VPS72: variants seen among roughly 807,000 people sequenced by gnomAD.
The protein encoded by VPS72 is vacuolar protein sorting-associated protein 72 homolog.
A neutral mutation model predicts 38.9 loss-of-function variants in VPS72; 27 were observed. The observed-to-expected ratio is 0.69, with a 90% CI of 0.51 to 0.96. The LOEUF is 0.96. VPS72 is among the 40% of genes least tolerant of loss of function. The pLI, the probability that VPS72 is intolerant of heterozygous loss-of-function variation, is 0.00. For synonymous variants in VPS72, 173 were observed against 186.3 expected (o/e 0.93, Z 0.58); for missense variants, 360 against 479.5 (o/e 0.75, Z 2.33).
chr1:151,184,249 C>G, intron 4 of VPS72, 68 bp downstream of exon 4: 2 of 1,568,200 alleles, frequency 1.3e-6, no homozygotes, highest in South Asian at 1.2e-5. Flanking sequence ...CTTTGGTCCT[C>G]CAGGTCTCAT....
In VPS72 at chr1:151,184,508, G is replaced by C. The variant is rs898167672; in HGVS notation, c.386-15C>G. 1.0e-5 allele frequency: 16 copies of C among 1,580,702 alleles called. No individual in the cohort carries two copies. The highest frequency in any genetic ancestry group is 1.4e-5 in the Non-Finnish European group (16 of 1,158,774). Reference sequence around the variant, plus strand: ...AGACTTCCGACCTGGAAGAGAGTGAGATAAGAAGAAATCTTTGAATTCATG... The same window carrying C: ...AGACTTCCGACCTGGAAGAGAGTGACATAAGAAGAAATCTTTGAATTCATG... On this transcript the variant is annotated splice_polypyrimidine_tract_variant and intron_variant, in intron 3 of 5. Transcript: ENST00000368892.
In VPS72 at chr1:151,176,898, C is replaced by G. The variant is rs374096879; in HGVS notation, c.841G>C (p.Gly281Arg). The G allele has an allele frequency of 1.9e-6, 3 of 1,613,950 alleles. No homozygotes were observed. The African/African-American group carries it at 4.0e-5, about 22-fold the overall frequency. Residue 281 changes from glycine to arginine, a missense_variant, in exon 6 of 6, where the codon GGG (glycine) becomes CGG (arginine). Physicochemically the swap from Gly to Arg is moderately radical, Grantham distance 125. Transcript: ENST00000368892. ...DATFEEWFPQGRPPKVPVREV... is the reference protein window; with the variant it reads ...DATFEEWFPQRRPPKVPVREV... Reference sequence around the variant, plus strand: ...CGAACAGGGACTTTTGGGGGCCGCCCTTGGGGGAACCATTCCTCGAAAGTT... The same window carrying G: ...CGAACAGGGACTTTTGGGGGCCGCCGTTGGGGGAACCATTCCTCGAAAGTT...
rs1369526677 is a variant in VPS72 at position 151,189,994 on chromosome 1, C to T, written c.117+11G>A. On this transcript the variant is annotated intron_variant, in intron 1 of 5. Transcript: ENST00000368892. ...CCTCCTCCCCTCCCTTTTCCCAGGC[C>T]CGGATCTTGCCTCTGTGAAACCCCC... 6.2e-7 allele frequency: 1 copy of T among 1,613,922 alleles called. No individual in the cohort carries two copies. The highest frequency in any genetic ancestry group is 1.3e-5 in the African/African-American group (1 of 75,008).
At chr1:151,189,942 G>A (rs1310932258) in intron 1 of VPS72, 63 bp downstream of exon 1, 4 of 1,564,172 alleles carry the variant, frequency 2.6e-6, no homozygotes, top group Admixed American at 1.7e-5. Context: ...CTTTGTCCGG[G>A]GTTTCTCCCT....
At chr1:151,184,844 C>G (rs902695549) in intron 3 of VPS72, among the ~76,000 whole-genome samples, 1 of 152,110 alleles carries the variant, frequency 6.6e-6, no homozygotes, top group African/African-American at 2.4e-5. Flanking sequence ...CTCGGCCTCC[C>G]AAAATGCTGG....
At position 151,185,920 on chromosome 1, in the gene VPS72, G is replaced by T; in HGVS notation, c.148C>A (p.Gln50Lys). The T allele has an allele frequency of 6.2e-7, 1 of 1,614,070 alleles. No homozygotes were observed. The change falls in exon 2 of 6, where the codon CAG (glutamine) becomes AAG (lysine). Residue 50 changes from glutamine to lysine, a missense_variant. Physicochemically the swap from Gln to Lys is moderately conservative, Grantham distance 53 (BLOSUM62 1). Around this residue, in one of 2 missense-constraint regions of VPS72, gnomAD observed 66 missense variants for 123.1 expected, o/e 0.54. Coordinates refer to ENST00000368892, the MANE Select transcript of VPS72 (RefSeq NM_005997.3). ...ESGDDEYQGD[Q>K]SDTEDEVDSD... is the part of the protein sequence containing the mutation. ...TCCACTTCGTCCTCTGTGTCTGACT[G>T]GTCCCCTTGATACTCATCATCTCCG... is the stretch of plus-strand genomic sequence containing the variant.
chr1:151,182,808 C>T (rs1684268986), intron 4 of VPS72, among the ~76,000 whole-genome samples: 1 of 152,194 alleles, frequency 6.6e-6, no homozygotes, highest in African/African-American at 2.4e-5. Flanking sequence ...TTTCAAAGCT[C>T]CTCCTCTTGT....
At chr1:151,186,040 G>A in intron 1 of VPS72, 90 bp from the exon 2 acceptor site, 1 of 1,497,700 alleles carries the variant, frequency 6.7e-7, no homozygotes, top group Non-Finnish European at 9.0e-7. Context: ...TCTTGATAAG[G>A]GCTGCCCTAC....
intron 4 of VPS72, among the ~76,000 whole-genome samples, chr1:151,178,609 C>A (rs1684167950): frequency 6.6e-6 from 1 of 151,862 alleles, no homozygotes; most frequent in African/African-American, 2.4e-5. Context: ...CCAGCCTAGG[C>A]AGCAGAGTGA....
At chr1:151,178,391 C>A (rs1182029608) in intron 4 of VPS72, among the ~76,000 whole-genome samples, 1 of 152,188 alleles carries the variant, frequency 6.6e-6, no homozygotes, top group Non-Finnish European at 1.5e-5. Flanking sequence ...TATAGTACCT[C>A]AGAGTTGGAA....
chr1:151,177,972 A>G (rs747185640), intron 5 of VPS72, 29 bp downstream of exon 5: 1 of 1,609,198 alleles, frequency 6.2e-7, no homozygotes, highest in Non-Finnish European at 8.5e-7. Context: ...CTGAACACAC[A>G]ATCTCTTTTC....
chr1:151,177,638 G>A (rs973883217), intron 5 of VPS72, among the ~76,000 whole-genome samples: 9 of 151,950 alleles, frequency 5.9e-5, no homozygotes, highest in African/African-American at 1.9e-4. Flanking sequence ...AAGATGAAGC[G>A]GGACGATTAC....
At chr1:151,187,753 C>T (rs1402615536) in intron 1 of VPS72, among the ~76,000 whole-genome samples, 5 of 152,146 alleles carry the variant, frequency 3.3e-5, no homozygotes, top group Admixed American at 2.6e-4. Flanking sequence ...AAAAGAAATA[C>T]AAGGTTTGGC....
Position 151,177,039 on chromosome 1 carries a change from C to A in VPS72, c.708-8G>T. The stretch of plus-strand genomic sequence containing the variant: ...GAGGGAGCAGGATCAAGTCTGAGGA[C>A]AAAAGACAAGGAAAAACACAAAGAG... On this transcript the variant is annotated splice_polypyrimidine_tract_variant and splice_region_variant and intron_variant, in intron 5 of 5. Transcript: ENST00000368892. 1 of 1,533,076 alleles carries A rather than the reference C, an allele frequency of 6.5e-7. No homozygotes were observed. Among genetic ancestry groups the A allele is most frequent in the Non-Finnish European group, 8.8e-7 (1 of 1,141,660 alleles). 95.0% of individuals were successfully genotyped at this position (1,533,076 alleles called of 1,614,324 possible). A position where few individuals can be genotyped will look rare whatever the true frequency, so the allele number is the denominator to read the frequency against.
Position 151,177,988 on chromosome 1 carries a change from G to C in VPS72, c.707+13C>G. ...TGAACACACAATCTCTTTTCCTCTT[G>C]AGATTCACTCACCCTTCTATGTCAA... On this transcript the variant is annotated intron_variant, in intron 5 of 5. Transcript: ENST00000368892. 1 of 1,612,360 alleles carries C rather than the reference G, an allele frequency of 6.2e-7. No homozygotes were observed. Among genetic ancestry groups the C allele is most frequent in the Non-Finnish European group, 8.5e-7 (1 of 1,179,182 alleles).
chr1:151,189,078 C>T (rs186613752), intron 1 of VPS72, among the ~76,000 whole-genome samples: 1 of 152,300 alleles, frequency 6.6e-6, no homozygotes, highest in African/African-American at 2.4e-5. Context: ...ATCCACCCGC[C>T]TCGGCCTTCC....
chr1:151,186,574 A>G (rs1464592933), intron 1 of VPS72, among the ~76,000 whole-genome samples: 2 of 152,266 alleles, frequency 1.3e-5, no homozygotes, highest in Middle Eastern at 3.4e-3. Context: ...GAAAAAAAAA[A>G]AAAAGGATGA....
intron 5 of VPS72, among the ~76,000 whole-genome samples, chr1:151,177,731 T>A (rs184743953): frequency 5.1e-4 from 78 of 151,848 alleles, no homozygotes; most frequent in African/African-American, 1.6e-3. Flanking sequence ...TACTCCCAGC[T>A]ACTTGGGAGG....
chr1:151,188,047 T>G (rs587675247), intron 1 of VPS72, among the ~76,000 whole-genome samples: 3 of 134,378 alleles, frequency 2.2e-5, no homozygotes, highest in South Asian at 4.6e-4. Context: ...GTGATGTGGG[T>G]TTTTTTTTTT....
Sources: gnomAD v4.1 joint callset for allele counts (sites outside exome capture counted in the v4.1 genomes callset) on GRCh38, gnomAD v4.1.1 for gene constraint, gnomAD v4.1.1 regional missense constraint, MANE v1.5 for transcripts, NCBI Gene and HGNC (gene_info 2026-07-23, HGNC 2026-07-21) for gene names.